CD8B2: variants seen among roughly 807,000 people sequenced by gnomAD.
CD8B2 encodes T-cell surface glycoprotein CD8 beta-2 chain.
A neutral mutation model predicts 23.7 loss-of-function variants in CD8B2; 11 were observed. That is an observed-to-expected ratio of 0.46 (90% CI 0.29 to 0.77). The LOEUF is 0.77. Ranked by LOEUF, CD8B2 falls within the 30% of genes least tolerant of loss-of-function variation. The pLI, the probability that CD8B2 is intolerant of heterozygous loss-of-function variation, is 0.09. For synonymous variants in CD8B2, 90 were observed against 109.3 expected (o/e 0.82, Z 1.10); for missense variants, 197 against 270.5 (o/e 0.73, Z 1.91).
Position 106,508,128 on chromosome 2 carries a change from C to T in CD8B2, c.*1188C>T, listed in dbSNP as rs953935104. 6.7e-6 allele frequency: 1 copy of T among 149,618 alleles called. No homozygotes were observed. Among genetic ancestry groups the T allele is most frequent in the Non-Finnish European group, 1.5e-5 (1 of 67,514 alleles). The allele number at this position is 149,618 out of a possible 1,614,324, so 9.3% of individuals were successfully genotyped here. On this transcript the variant is annotated 3_prime_UTR_variant, in exon 6 of 6. Transcript: ENST00000643224. ...TGGGTTTGAAAAAGTGCCTGAGACC[C>T]ATCTTAGCCGCCCCTACCTGAGCTT...
chr2:106,525,185 C>A (rs887665181), intron 5 of CD8B2, among the ~76,000 whole-genome samples: 5 of 152,176 alleles, frequency 3.3e-5, no homozygotes, highest in Middle Eastern at 3.4e-3. Flanking sequence ...ATCAATGGGC[C>A]CAGGGTTTGC....
At chr2:106,522,144 CT>C (rs914509869) in intron 5 of CD8B2, 1 of 152,226 alleles carries the variant, frequency 6.6e-6, no homozygotes, top group Non-Finnish European at 1.5e-5. Flanking sequence ...CCTTCACCTG[CT>C]GATGATCAAT....
downstream of CD8B2, among the ~76,000 whole-genome samples, chr2:106,511,315 G>T (rs11673946): frequency 0.028 from 4,289 of 152,244 alleles, 73 homozygotes; most frequent in Non-Finnish European, 0.03. Context: ...CGTGGCAGGG[G>T]TGGTCTGCAC....
intron 5 of CD8B2, among the ~76,000 whole-genome samples, chr2:106,541,522 C>G (rs1242098059): frequency 6.6e-6 from 1 of 152,164 alleles, no homozygotes; most frequent in African/African-American, 2.4e-5. Flanking sequence ...GGACAGCTCC[C>G]ACAACCAGCA....
intron 5 of CD8B2, among the ~76,000 whole-genome samples, chr2:106,529,700 A>T (rs1052981555): frequency 6.6e-6 from 1 of 152,194 alleles, no homozygotes; most frequent in African/African-American, 2.4e-5. Context: ...GCCACAAGGG[A>T]CATGTCAGTG....
downstream of CD8B2, among the ~76,000 whole-genome samples, chr2:106,515,883 C>T (rs146645642): frequency 3.1e-3 from 469 of 151,776 alleles, 3 homozygotes; most frequent in African/African-American, 0.011. Context: ...AGTGCAATGG[C>T]GTGATCTCAG....
chr2:106,508,362 G>A lies in CD8B2; in HGVS notation c.*1422G>A, dbSNP rs543916746. 2.0e-5 allele frequency: 3 copies of A among 152,120 alleles called. No individual in the cohort carries two copies. Among genetic ancestry groups the A allele is most frequent in the Admixed American group, 6.5e-5 (1 of 15,286 alleles). The allele number at this position is 152,120 out of a possible 1,614,324, so 9.4% of individuals were successfully genotyped here. On this transcript the variant is annotated 3_prime_UTR_variant, in exon 6 of 6. Transcript: ENST00000643224. ...ACAAAAAAAACAGGAAAGGAAAGACGACTCTGGGGAAGGGGCAGTGGGACC... is the reference window on the plus strand; with the variant it reads ...ACAAAAAAAACAGGAAAGGAAAGACAACTCTGGGGAAGGGGCAGTGGGACC...
At chr2:106,537,696 T>C (rs535733088) in intron 5 of CD8B2, among the ~76,000 whole-genome samples, 1 of 152,336 alleles carries the variant, frequency 6.6e-6, no homozygotes, top group Admixed American at 6.5e-5. Context: ...AGAGCATGGC[T>C]GTTCTTACTG....
intron 5 of CD8B2, among the ~76,000 whole-genome samples, chr2:106,529,540 C>A (rs750942922): frequency 6.6e-6 from 1 of 152,224 alleles, no homozygotes; most frequent in Non-Finnish European, 1.5e-5. Flanking sequence ...CCAAGTTAAT[C>A]TACCACCTGC....
At chr2:106,535,861 G>T (rs886728147) in intron 5 of CD8B2, among the ~76,000 whole-genome samples, 2 of 152,076 alleles carry the variant, frequency 1.3e-5, no homozygotes, top group African/African-American at 4.8e-5. Flanking sequence ...AAAAAAGAGG[G>T]TTAATGGGCT....
intron 5 of CD8B2, among the ~76,000 whole-genome samples, chr2:106,526,609 A>G (rs1679910547): frequency 6.6e-6 from 1 of 152,078 alleles, no homozygotes; most frequent in South Asian, 2.1e-4. Flanking sequence ...ATTCTTTTTT[A>G]TTGTCAACTA....
At position 106,491,171 on chromosome 2, in the gene CD8B2, A is replaced by G. The variant is rs1573327761; in HGVS notation, c.341A>G (p.Tyr114Cys). The G allele has an allele frequency of 1.9e-6, 3 of 1,613,894 alleles. No homozygotes were observed. The East Asian group carries it at 6.7e-5, about 36-fold the overall frequency. ...GTGAAGCCGGAGGACAGTGGCATCT[A>G]CTTCTGCATGATCGTCGGGAGCCCC... ...TSVKPEDSGIYFCMIVGSPEL... is the reference protein window; with the variant it reads ...TSVKPEDSGICFCMIVGSPEL... The change falls in exon 2 of 6, where the codon TAC becomes TGC. Residue 114 changes from tyrosine to cysteine, a missense_variant. By Grantham distance (194) the Tyr-to-Cys change is radical. Around this residue, in one of 3 missense-constraint regions of CD8B2, gnomAD observed 140 missense variants for 164.2 expected, o/e 0.85. Transcript: ENST00000643224.
chr2:106,537,210 G>A (rs1024751484), intron 5 of CD8B2, among the ~76,000 whole-genome samples: 27 of 151,938 alleles, frequency 1.8e-4, no homozygotes, highest in Non-Finnish European at 8.8e-5. Flanking sequence ...AACCTGCCCC[G>A]TCTCTCACCC....
rs1342363495 is a variant in CD8B2, at chr2:106,510,772, TC to T, written c.*3833del. On this transcript the variant is annotated 3_prime_UTR_variant, in exon 6 of 6. Coordinates refer to ENST00000643224, the MANE Select transcript of CD8B2 (RefSeq NM_001349727.2). ...CTAAAAAAAGTTTCTTGTTTTTTTT[TC>T]TTCCCATATTTTTTAAAACATAAAA... is the stretch of plus-strand genomic sequence containing the variant. 1.3e-5 allele frequency: 2 copies of T among 152,178 alleles called. No homozygotes were observed. The highest frequency in any genetic ancestry group is 2.4e-5 in the African/African-American group (1 of 41,432). The allele number at this position is 152,178 out of a possible 1,614,324, so 9.4% of individuals were successfully genotyped here.
intron 5 of CD8B2, among the ~76,000 whole-genome samples, chr2:106,519,046 T>TC (rs1169026567): frequency 3.3e-5 from 5 of 152,020 alleles, no homozygotes; most frequent in African/African-American, 1.2e-4. Context: ...CATTCATTCC[T>TC]CCATTCACTG....
intron 1 of CD8B2, among the ~76,000 whole-genome samples, chr2:106,489,009 T>G (rs1310804305): frequency 6.6e-6 from 1 of 151,168 alleles, no homozygotes; most frequent in African/African-American, 2.4e-5. Context: ...TTTTAATAAT[T>G]TTTTCTTTTC....
chr2:106,513,943 C>G (rs1300010924), downstream of CD8B2, among the ~76,000 whole-genome samples: 1 of 152,110 alleles, frequency 6.6e-6, no homozygotes, highest in East Asian at 1.9e-4. Flanking sequence ...GTGGCTTCCA[C>G]AAGACAAGCA....
chr2:106,527,732 G>C (rs538501017), intron 5 of CD8B2, among the ~76,000 whole-genome samples: 1 of 152,152 alleles, frequency 6.6e-6, no homozygotes, highest in Non-Finnish European at 1.5e-5. Context: ...GCAGTGAGCC[G>C]ATATTGCAGC....
downstream of CD8B2, among the ~76,000 whole-genome samples, chr2:106,513,800 T>C (rs370060653): frequency 0.011 from 1,687 of 149,052 alleles, 27 homozygotes; most frequent in African/African-American, 0.039. Context: ...GCACAAAAGG[T>C]GGGCCTACCT....
Sources: allele counts gnomAD v4.1 joint callset (sites outside exome capture counted in the v4.1 genomes callset), GRCh38; gene constraint gnomAD v4.1.1; regional missense constraint gnomAD v4.1.1; transcripts MANE v1.5; gene names NCBI Gene and HGNC (gene_info 2026-07-23, HGNC 2026-07-21).